TMEM67: variants seen among roughly 807,000 people sequenced by gnomAD.
The protein encoded by TMEM67 is transmembrane protein 67.
Under a neutral mutation model 136.6 loss-of-function variants are expected in TMEM67, and 124 were observed. That is an observed-to-expected ratio of 0.91 (90% confidence interval 0.78 to 1.05). TMEM67 has a LOEUF of 1.05. Among genes scored for constraint, TMEM67 ranks in the 50% least tolerant of loss-of-function variants. TMEM67 has a pLI of 0.00. For missense variants in TMEM67, 1,107 were observed against 1,178.4 expected (o/e 0.94, Z 0.89); for synonymous variants, 364 against 390.5 (o/e 0.93, Z 0.80).
At chr8:93,809,226 A>G in intron 25 of TMEM67, 65 bp downstream of exon 25, 1 of 945,248 alleles carries the variant, frequency 1.1e-6, no homozygotes, top group South Asian at 1.3e-5. Flanking sequence ...TTAAGTGGGA[A>G]TGTCAATTAT....
the TMEM67 span, among the ~76,000 whole-genome samples, chr8:93,831,593 C>G: frequency 6.6e-6 from 1 of 152,096 alleles, no homozygotes; most frequent in South Asian, 2.1e-4. Flanking sequence ...AGTCCCCAAC[C>G]CAAATATTAT....
chr8:93,803,663 T>G lies in TMEM67; in HGVS notation c.2301T>G (p.Val767=), dbSNP rs1234295532. The change falls in exon 22 of 28, where the codon GTT becomes GTG. Residue 767 remains valine, a synonymous_variant. Transcript: ENST00000453321. ...TAGAAGATAAAATTCGACAGTTCGT[T>G]GATTTATGCTCTATGAGTAATGTAA... ...RFIEDKIRQF[V]DLCSMSNISV... is the part of the protein sequence containing the mutation. 1 of 1,590,424 alleles carries G rather than the reference T, an allele frequency of 6.3e-7. No homozygotes were observed. Among genetic ancestry groups the G allele is most frequent in the African/African-American group, 1.3e-5 (1 of 74,436 alleles).
chr8:93,788,402 A>G (rs1366994960), intron 14 of TMEM67, among the ~76,000 whole-genome samples: 1 of 152,114 alleles, frequency 6.6e-6, no homozygotes, highest in Admixed American at 6.5e-5. Flanking sequence ...GTCTTTACTG[A>G]AAATACAAAA....
At chr8:93,823,696 T>G (rs916710803), downstream of TMEM67, among the ~76,000 whole-genome samples, 3 of 152,168 alleles carry the variant, frequency 2.0e-5, no homozygotes, top group Non-Finnish European at 2.9e-5. Flanking sequence ...GATTGACCAT[T>G]TGACAGAATT....
At chr8:93,824,752 G>C in the TMEM67 span, among the ~76,000 whole-genome samples, 1 of 152,112 alleles carries the variant, frequency 6.6e-6, no homozygotes, top group Admixed American at 6.5e-5. Flanking sequence ...GTCTCACTCT[G>C]TTGCCCAGGC....
the TMEM67 span, among the ~76,000 whole-genome samples, chr8:93,829,586 C>T: frequency 6.6e-6 from 1 of 152,208 alleles, no homozygotes; most frequent in Non-Finnish European, 1.5e-5. Context: ...TGGTTGGCTC[C>T]TCAGATCCTC....
At position 93,787,826 on chromosome 8, in the gene TMEM67, G is replaced by A; in HGVS notation, c.1413-18G>A. On this transcript the variant is annotated intron_variant, in intron 13 of 27. Coordinates refer to ENST00000453321, the MANE Select transcript of TMEM67 (RefSeq NM_153704.6). ...CCCGGATATACTGATTACTATAAAT[G>A]CATTTTCTTTTAAATAGTGTCCACC... The A allele has an allele frequency of 2.6e-6, 4 of 1,562,848 alleles. No homozygotes were observed. The highest frequency in any genetic ancestry group is 2.6e-6 in the Non-Finnish European group (3 of 1,133,414).
intron 23 of TMEM67, among the ~76,000 whole-genome samples, chr8:93,807,858 A>G (rs1360445175): frequency 6.6e-6 from 1 of 152,006 alleles, no homozygotes; most frequent in Non-Finnish European, 1.5e-5. Flanking sequence ...CGAACCTTGA[A>G]GCATCAATCA....
At position 93,803,617 on chromosome 8, in the gene TMEM67, C is replaced by A; in HGVS notation, c.2255C>A (p.Ala752Asp). The A allele has an allele frequency of 1.3e-6, 2 of 1,599,414 alleles. No individual in the cohort carries two copies. Among genetic ancestry groups the A allele is most frequent in the South Asian group, 1.1e-5 (1 of 90,730 alleles). Residue 752 changes from alanine to aspartate, a missense_variant, in exon 22 of 28, where the codon GCT becomes GAT. Transcript: ENST00000453321. ...TTAATGTTTCAGGTCGTGTTCTTTGCTGTCTTTTATGAGAGATTTATAGAA... is the reference window on the plus strand; with the variant it reads ...TTAATGTTTCAGGTCGTGTTCTTTGATGTCTTTTATGAGAGATTTATAGAA... ...AIGIIQVVFF[A>D]VFYERFIEDK...
rs1808952469 is a variant in TMEM67, at chr8:93,817,425, T to G, written c.*973T>G. On this transcript the variant is annotated 3_prime_UTR_variant, in exon 28 of 28. Transcript: ENST00000453321. ...CTGTAATCCCAGCTATTTGGGAGGC[T>G]GAGGCATGAGAATAGCTTGAAACCA... is the stretch of plus-strand genomic sequence containing the variant. 1 of 152,178 alleles carries G rather than the reference T, an allele frequency of 6.6e-6. No individual in the cohort carries two copies. Among genetic ancestry groups the G allele is most frequent in the South Asian group, 2.1e-4 (1 of 4,830 alleles). The allele number at this position is 152,178 out of a possible 1,614,324, so 9.4% of individuals were successfully genotyped here.
chr8:93,802,609 G>A (rs1814915392), intron 21 of TMEM67, among the ~76,000 whole-genome samples: 1 of 152,130 alleles, frequency 6.6e-6, no homozygotes, highest in South Asian at 2.1e-4. Context: ...ACCTGTTACA[G>A]TTTCATAAAT....
chr8:93,780,481 G>C (rs970307418), intron 7 of TMEM67, 112 bp from the exon 8 acceptor site: 4 of 1,159,532 alleles, frequency 3.4e-6, no homozygotes, highest in African/African-American at 3.0e-5. Flanking sequence ...GACCGGAGCT[G>C]TTCCTACTCG....
intron 2 of TMEM67, chr8:93,756,589 T>C (rs1481511814): frequency 6.6e-6 from 1 of 152,196 alleles, no homozygotes; most frequent in African/African-American, 2.4e-5. Context: ...TACTTGTAAG[T>C]CTGATTACCA....
chr8:93,805,453 G>C lies in TMEM67; in HGVS notation c.2439+575G>C, dbSNP rs9692791. Among the ~76,000 whole-genome samples, 760 of 152,038 alleles carry C rather than the reference G, an allele frequency of 5.0e-3. 1 individual carries two copies. Among genetic ancestry groups the C allele is most frequent in the African/African-American group, 0.017 (710 of 41,514 alleles). Reference sequence around the variant, plus strand: ...AAAAAAATTAGCCGGGCATGGTCGCGGGCGCCTGTAGTCCCAGCTACTTGG... The same window carrying C: ...AAAAAAATTAGCCGGGCATGGTCGCCGGCGCCTGTAGTCCCAGCTACTTGG... On this transcript the variant is annotated intron_variant, in intron 23 of 27. Transcript: ENST00000453321.
rs539346080 is a variant in TMEM67, at chr8:93,765,960, G to C, written c.651+314G>C. ...AACGCTAGATTTGAACCCTGGATTT[G>C]CAAGTCATTAGTTTGGTATCCTTGG... On this transcript the variant is annotated intron_variant, in intron 6 of 27. Coordinates refer to ENST00000453321, the MANE Select transcript of TMEM67 (RefSeq NM_153704.6). Among the ~76,000 whole-genome samples, 237 of 152,120 alleles carry C rather than the reference G, an allele frequency of 1.6e-3. 1 individual carries two copies. Among genetic ancestry groups the C allele is most frequent in the African/African-American group, 5.6e-3 (232 of 41,448 alleles).
At chr8:93,802,622 G>T (rs890741661) in intron 21 of TMEM67, among the ~76,000 whole-genome samples, 4 of 152,138 alleles carry the variant, frequency 2.6e-5, no homozygotes, top group Non-Finnish European at 5.9e-5. Context: ...TCATAAATTT[G>T]TCTAAACTCT....
chr8:93,809,059 A>G lies in TMEM67; in HGVS notation c.2559A>G (p.Lys853=). The G allele has an allele frequency of 6.2e-7, 1 of 1,602,322 alleles. No individual in the cohort carries two copies. The highest frequency in any genetic ancestry group is 8.5e-7 in the Non-Finnish European group (1 of 1,169,734). Residue 853 remains lysine (K), a splice_region_variant and synonymous_variant, in exon 25 of 28, where the codon AAA becomes AAG. Coordinates refer to ENST00000453321, the MANE Select transcript of TMEM67 (RefSeq NM_153704.6). The part of the protein sequence containing the change: ...YDRIHETLIR[K]NGPARLLSSS... ...TTCATTTCTCTTTTTTACATTAGAA[A>G]AATGGTCCTGCTAGACTACTGAGTT...
At chr8:93,795,172 T>G in intron 16 of TMEM67, 3 of 570,896 alleles carry the variant, frequency 5.3e-6, no homozygotes, top group East Asian at 2.9e-5. Context: ...TCTTAGATAG[T>G]GAAAGATGAG....
chr8:93,764,000 G>T, intron 4 of TMEM67, 59 bp downstream of exon 4: 2 of 1,110,350 alleles, frequency 1.8e-6, no homozygotes, highest in South Asian at 2.5e-5. Context: ...TGTATAATTT[G>T]TACTTTTAAG....
Sources: allele counts gnomAD v4.1 joint callset (sites outside exome capture counted in the v4.1 genomes callset), GRCh38; gene constraint gnomAD v4.1.1; transcripts MANE v1.5; gene names NCBI Gene and HGNC (gene_info 2026-07-23, HGNC 2026-07-21).